Variants in CLNK observed in about 807,000 individuals in gnomAD.
CLNK encodes cytokine-dependent hematopoietic cell linker.
A neutral mutation model predicts 68.6 loss-of-function variants in CLNK; 74 were observed. That is an observed-to-expected ratio of 1.08 (90% CI 0.89 to 1.31). CLNK has a LOEUF of 1.31. Among genes scored for constraint, CLNK ranks in the 50% most tolerant of loss-of-function variants. The probability of loss-of-function intolerance (pLI) is 0.00; values close to 1 mark genes in which losing one functional copy is unlikely to be tolerated. For missense variants in CLNK, 553 were observed against 515.3 expected, an observed-to-expected ratio of 1.07 and a Z score of -0.71; for synonymous variants, 198 against 172.2, an observed-to-expected ratio of 1.15 and a Z score of -1.17.
Position 10,525,922 on chromosome 4 carries a change from A to G in CLNK, c.650T>C (p.Val217Ala), listed in dbSNP as rs1718301374. The G allele has an allele frequency of 6.5e-7, 1 of 1,547,076 alleles. No individual in the cohort carries two copies. Among genetic ancestry groups the G allele is most frequent in the Non-Finnish European group, 8.8e-7 (1 of 1,138,076 alleles). The stretch of plus-strand genomic sequence containing the variant: ...TTCAGGCTTCCTCTGGTTATGAGGA[A>G]CTATATAAAACAGTGACATAATTTG... The part of the protein sequence containing the change: ...DLSEVLEAEK[V>A]PHNQRKPEST... The change falls in exon 14 of 19, where the codon GTT becomes GCT. Residue 217 changes from valine to alanine, a missense_variant and splice_region_variant. By Grantham distance (64) the Val-to-Ala change is moderately conservative. Coordinates refer to ENST00000226951, the MANE Select transcript of CLNK (RefSeq NM_052964.4).
intron 1 of CLNK, among the ~76,000 whole-genome samples, chr4:10,681,718 T>C (rs895366161): frequency 1.3e-5 from 2 of 152,208 alleles, no homozygotes; most frequent in African/African-American, 2.4e-5. Flanking sequence ...AGACAGTGAT[T>C]GATGCCCTGA....
At chr4:10,653,380 A>G (rs1008323894) in intron 2 of CLNK, among the ~76,000 whole-genome samples, 1 of 118,748 alleles carries the variant, frequency 8.4e-6, no homozygotes, top group African/African-American at 2.7e-5. Context: ...AACGTAAAAT[A>G]AACTCTCAAA....
At chr4:10,686,038 T>A (rs1725258438), upstream of CLNK, among the ~76,000 whole-genome samples, 1 of 152,104 alleles carries the variant, frequency 6.6e-6, no homozygotes, top group Admixed American at 6.6e-5. Context: ...GAAGGTCAAA[T>A]TGTATTGTCT....
intron 16 of CLNK, among the ~76,000 whole-genome samples, chr4:10,512,233 A>ATTT (rs199665271): frequency 7.1e-6 from 1 of 141,716 alleles, no homozygotes; most frequent in Non-Finnish European, 1.6e-5. Context: ...AAGGATATGC[A>ATTT]TTTTTTTTTT....
intron 18 of CLNK, among the ~76,000 whole-genome samples, chr4:10,492,378 TC>T (rs1379717854): frequency 2.6e-5 from 4 of 152,122 alleles, no homozygotes; most frequent in Non-Finnish European, 5.9e-5. Context: ...CCTTCCTCTG[TC>T]CGGGGCATCC....
At chr4:10,722,602 A>T in the CLNK span, among the ~76,000 whole-genome samples, 1 of 152,198 alleles carries the variant, frequency 6.6e-6, no homozygotes, top group Admixed American at 6.5e-5. Flanking sequence ...GGCATTCTTA[A>T]CAAAGAATTA....
chr4:10,713,335 T>G, the CLNK span, among the ~76,000 whole-genome samples: 130 of 152,252 alleles, frequency 8.5e-4, no homozygotes, highest in Non-Finnish European at 1.3e-3. Flanking sequence ...GGGAAAAGGA[T>G]GTGTGAGTGA....
chr4:10,658,562 C>A (rs1724069401), intron 2 of CLNK, among the ~76,000 whole-genome samples: 1 of 152,208 alleles, frequency 6.6e-6, no homozygotes. Context: ...ATCCCTGGTT[C>A]TCAAGGCGGG....
chr4:10,708,702 A>G, the CLNK span, among the ~76,000 whole-genome samples: 139,761 of 152,252 alleles, frequency 0.92, 64,193 homozygotes, highest in Admixed American at 0.95. Flanking sequence ...TCATTTTAAG[A>G]TAACCACTCT....
chr4:10,598,204 G>C (rs1190958794), intron 2 of CLNK, 155 bp from the exon 3 acceptor site: 1 of 602,164 alleles, frequency 1.7e-6, no homozygotes, highest in Non-Finnish European at 2.9e-6. Context: ...TTACCACTAG[G>C]GTTAAAGAAA....
At chr4:10,595,769 C>G (rs1485728904) in intron 3 of CLNK, among the ~76,000 whole-genome samples, 3 of 152,128 alleles carry the variant, frequency 2.0e-5, no homozygotes, top group Non-Finnish European at 2.9e-5. Context: ...AGTTATTCAC[C>G]CTCTCTGGGC....
intron 2 of CLNK, among the ~76,000 whole-genome samples, chr4:10,653,591 A>G: frequency 6.6e-6 from 1 of 152,242 alleles, no homozygotes. Context: ...TATTTATAGT[A>G]GAACAGGATG....
chr4:10,501,203 C>T (rs900456079), intron 18 of CLNK, 53 bp downstream of exon 18: 5 of 1,504,622 alleles, frequency 3.3e-6, no homozygotes, highest in Admixed American at 4.9e-5. Flanking sequence ...CCAAACTCTT[C>T]CTTTATTTGT....
At chr4:10,617,548 T>C (rs1313540088) in intron 2 of CLNK, among the ~76,000 whole-genome samples, 1 of 152,226 alleles carries the variant, frequency 6.6e-6, no homozygotes, top group African/African-American at 2.4e-5. Flanking sequence ...CACTTGGTAG[T>C]TATGCAAAAC....
chr4:10,616,291 A>G (rs1004064293), intron 2 of CLNK, among the ~76,000 whole-genome samples: 4 of 152,208 alleles, frequency 2.6e-5, no homozygotes, highest in African/African-American at 4.8e-5. Context: ...CATGCTACAA[A>G]TCGGGGTTTA....
At chr4:10,490,885 C>T (rs1394424795) in intron 18 of CLNK, among the ~76,000 whole-genome samples, 3 of 152,126 alleles carry the variant, frequency 2.0e-5, no homozygotes, top group Admixed American at 1.3e-4. Flanking sequence ...CTGTCTCAGC[C>T]TCCCAAGTAG....
intron 4 of CLNK, among the ~76,000 whole-genome samples, chr4:10,582,989 T>C (rs1023891767): frequency 6.6e-6 from 1 of 152,222 alleles, no homozygotes; most frequent in African/African-American, 2.4e-5. Context: ...TCCATGGCAA[T>C]GAATGTGCTT....
intron 2 of CLNK, among the ~76,000 whole-genome samples, chr4:10,623,410 C>T (rs1312528801): frequency 6.6e-6 from 1 of 152,168 alleles, no homozygotes; most frequent in Non-Finnish European, 1.5e-5. Context: ...CTGGGTAATA[C>T]AATACGGTGG....
chr4:10,575,585 A>G (rs1281076522), intron 4 of CLNK, among the ~76,000 whole-genome samples: 1 of 152,336 alleles, frequency 6.6e-6, no homozygotes, highest in Admixed American at 6.5e-5. Flanking sequence ...GCTGGCGTAC[A>G]TATCTCTCCT....
Sources: allele counts gnomAD v4.1 joint callset (sites outside exome capture counted in the v4.1 genomes callset), GRCh38; gene constraint gnomAD v4.1.1; transcripts MANE v1.5; gene names NCBI Gene and HGNC (gene_info 2026-07-23, HGNC 2026-07-21).